PSD2: variants seen among roughly 807,000 people sequenced by gnomAD.
PSD2 encodes pleckstrin and Sec7 domain containing 2, also known as PH and SEC7 domain-containing protein 2.
PSD2 carries 38 observed loss-of-function variants against 69.8 expected under a neutral mutation model. The observed-to-expected ratio is 0.54, with a 90% CI of 0.42 to 0.71. PSD2 has a LOEUF of 0.71. Ranked by LOEUF, PSD2 falls within the 30% of genes least tolerant of loss-of-function variation. The pLI is 0.00. For synonymous variants in PSD2, 412 were observed against 423.0 expected (o/e 0.97, Z 0.32); for missense variants, 943 against 1,014.5 (o/e 0.93, Z 0.96).
chr5:139,826,280 G>A (rs1760418294), intron 7 of PSD2, among the ~76,000 whole-genome samples: 1 of 152,210 alleles, frequency 6.6e-6, no homozygotes, highest in South Asian at 2.1e-4. Flanking sequence ...CTTGCCTGGG[G>A]GCCTGACAGG....
At chr5:139,784,980 A>G in the PSD2 span, among the ~76,000 whole-genome samples, 3 of 151,844 alleles carry the variant, frequency 2.0e-5, no homozygotes, top group Non-Finnish European at 2.9e-5. Flanking sequence ...GCTGGTCTCA[A>G]ACTCCTGACC....
rs947004658 is a variant in PSD2, at chr5:139,814,511, T to C, written c.1016+147T>C. 2 of 696,896 alleles carry C rather than the reference T, an allele frequency of 2.9e-6. No individual in the cohort carries two copies. Among genetic ancestry groups the C allele is most frequent in the African/African-American group, 1.9e-5 (1 of 53,466 alleles). 43.2% of individuals were successfully genotyped at this position (696,896 alleles called of 1,614,324 possible). On this transcript the variant is annotated intron_variant, in intron 4 of 14. Transcript: ENST00000274710. The surrounding 1 kb of genome is among the most constrained non-coding windows in gnomAD (Gnocchi z 4.4). The stretch of plus-strand genomic sequence containing the variant: ...CCAAGGACACCTCCTCCCGCCACTG[T>C]CCTCATTCCTGGCCTCGCCCTAAAT...
At chr5:139,791,299 G>A (rs950793450), upstream of PSD2, among the ~76,000 whole-genome samples, 1 of 152,104 alleles carries the variant, frequency 6.6e-6, no homozygotes, top group African/African-American at 2.4e-5. Context: ...GTATAGTGGT[G>A]CATGCCTGTA....
At chr5:139,800,085 G>A (rs1431389693) in intron 1 of PSD2, among the ~76,000 whole-genome samples, 1 of 152,212 alleles carries the variant, frequency 6.6e-6, no homozygotes, top group Non-Finnish European at 1.5e-5. Context: ...CAGCAGGGGA[G>A]GGCCCTGAGC....
At chr5:139,765,139 C>T in the PSD2 span, among the ~76,000 whole-genome samples, 4 of 152,206 alleles carry the variant, frequency 2.6e-5, 1 homozygote, top group African/African-American at 9.6e-5. Context: ...ACTGCGGGTT[C>T]CGTGACCCTC....
the PSD2 span, among the ~76,000 whole-genome samples, chr5:139,766,907 CCCTT>C: frequency 4.9e-4 from 24 of 48,506 alleles, no homozygotes; most frequent in African/African-American, 1.0e-3. Flanking sequence ...CTCTTTCCCT[CCCTT>C]CCTTCCTTCC....
intron 4 of PSD2, among the ~76,000 whole-genome samples, chr5:139,815,941 C>T (rs1760111343): frequency 6.8e-6 from 1 of 147,174 alleles, no homozygotes; most frequent in African/African-American, 2.5e-5. Context: ...TTGCAGTGAG[C>T]CAAGACCGTG....
chr5:139,840,944 G>C (rs1443449623), intron 14 of PSD2, among the ~76,000 whole-genome samples: 3 of 152,110 alleles, frequency 2.0e-5, no homozygotes, highest in African/African-American at 4.8e-5. Context: ...TAAGTGTATA[G>C]TTCAGTAGTG....
At chr5:139,771,464 C>T in the PSD2 span, among the ~76,000 whole-genome samples, 2 of 152,038 alleles carry the variant, frequency 1.3e-5, no homozygotes, top group Non-Finnish European at 2.9e-5. Flanking sequence ...CTGCAAGCTC[C>T]GCCTCCTGGG....
chr5:139,765,601 T>A, the PSD2 span, among the ~76,000 whole-genome samples: 9 of 152,042 alleles, frequency 5.9e-5, no homozygotes, highest in Non-Finnish European at 1.5e-5. Flanking sequence ...AAGCCCAAGC[T>A]CCGCCGGGCC....
chr5:139,796,492 C>T (rs1759531422), intron 1 of PSD2, among the ~76,000 whole-genome samples: 1 of 152,222 alleles, frequency 6.6e-6, no homozygotes, highest in Admixed American at 6.5e-5. Context: ...CCCTGCTTGG[C>T]GGCCAGGCCT....
At chr5:139,841,089 C>T (rs1453233409) in intron 14 of PSD2, among the ~76,000 whole-genome samples, 2 of 152,188 alleles carry the variant, frequency 1.3e-5, no homozygotes, top group African/African-American at 4.8e-5. Flanking sequence ...ATTCTACTCT[C>T]TGCCTCTATG....
rs1443358449 is a variant in PSD2 at position 139,814,977 on chromosome 5, C to A, written c.1016+613C>A. Reference sequence around the variant, plus strand: ...CACCAGTGTGACCACCCACCACCTGCCCCTGGCCCTTTCATCCAGATTGCC... The same window carrying A: ...CACCAGTGTGACCACCCACCACCTGACCCTGGCCCTTTCATCCAGATTGCC... On this transcript the variant is annotated intron_variant, in intron 4 of 14. Coordinates refer to ENST00000274710, the MANE Select transcript of PSD2 (RefSeq NM_032289.4). This position sits in a 1 kb window ranked among gnomAD's most constrained non-coding sequence, Gnocchi z 4.4. Among the ~76,000 whole-genome samples, 1 of 152,188 alleles carries A rather than the reference C, an allele frequency of 6.6e-6. No homozygotes were observed. Among genetic ancestry groups the A allele is most frequent in the African/African-American group, 2.4e-5 (1 of 41,456 alleles).
the PSD2 span, among the ~76,000 whole-genome samples, chr5:139,777,779 A>T: frequency 6.6e-6 from 1 of 152,160 alleles, no homozygotes; most frequent in Non-Finnish European, 1.5e-5. Flanking sequence ...GCTACCTGGG[A>T]GGCTGAGGTG....
chr5:139,795,514 G>C (rs1276140671), upstream of PSD2, among the ~76,000 whole-genome samples: 1 of 152,148 alleles, frequency 6.6e-6, no homozygotes, highest in Non-Finnish European at 1.5e-5. The surrounding 1 kb of genome is among the most constrained non-coding windows in gnomAD (Gnocchi z 4.5). Flanking sequence ...GAGGGTTCGA[G>C]GACGGCAGGG....
chr5:139,837,335 G>A lies in PSD2; in HGVS notation c.1665+97G>A. 1 of 1,232,306 alleles carries A rather than the reference G, an allele frequency of 8.1e-7. No individual in the cohort carries two copies. Among genetic ancestry groups the A allele is most frequent in the Non-Finnish European group, 1.2e-6 (1 of 855,628 alleles). 76.3% of individuals were successfully genotyped at this position (1,232,306 alleles called of 1,614,324 possible). A position where few individuals can be genotyped will look rare whatever the true frequency, so the allele number is the denominator to read the frequency against. ...CCCCGAAGCCCCAGGCAGGACCTGG[G>A]GCTCAGGCACATGCTGGGTCCTTCC... On this transcript the variant is annotated intron_variant, in intron 11 of 14. Transcript: ENST00000274710. The surrounding 1 kb of genome is among the most constrained non-coding windows in gnomAD (Gnocchi z 5.0).
the PSD2 span, among the ~76,000 whole-genome samples, chr5:139,747,213 TTGTC>T: frequency 6.6e-5 from 10 of 152,032 alleles, no homozygotes; most frequent in Non-Finnish European, 1.3e-4. The surrounding 1 kb of genome is among the most constrained non-coding windows in gnomAD (Gnocchi z 6.7). Context: ...GTTCCTCTCT[TTGTC>T]TGTCTGACTC....
chr5:139,803,168 C>T (rs547320983), intron 1 of PSD2, among the ~76,000 whole-genome samples: 8 of 152,352 alleles, frequency 5.3e-5, no homozygotes, highest in Admixed American at 5.2e-4. Context: ...GAGGGCAGGA[C>T]AGTAGGGACC....
the PSD2 span, among the ~76,000 whole-genome samples, chr5:139,756,215 G>T: frequency 6.6e-6 from 1 of 152,082 alleles, no homozygotes; most frequent in Non-Finnish European, 1.5e-5. Flanking sequence ...ACAACGGCTC[G>T]GACTGCCGCT....
Sources: gnomAD v4.1 joint callset for allele counts (sites outside exome capture counted in the v4.1 genomes callset) on GRCh38, gnomAD v4.1.1 for gene constraint, Gnocchi (gnomAD v3.1) non-coding constraint, MANE v1.5 for transcripts, NCBI Gene and HGNC (gene_info 2026-07-23, HGNC 2026-07-21) for gene names.